Variants in ST7 observed in about 807,000 individuals in gnomAD.
The protein encoded by ST7 is suppressor of tumorigenicity 7 protein.
Under a neutral mutation model 78.7 loss-of-function variants are expected in ST7, and 28 were observed. That is an observed-to-expected ratio of 0.36 (90% CI 0.26 to 0.49). ST7 has a LOEUF of 0.49. Among genes scored for constraint, ST7 ranks in the 20% least tolerant of loss-of-function variants. The pLI, the probability that ST7 is intolerant of heterozygous loss-of-function variation, is 0.99. For synonymous variants in ST7, 247 were observed against 249.6 expected, an observed-to-expected ratio of 0.99 and a Z score of 0.10; for missense variants, 418 against 696.0, an observed-to-expected ratio of 0.60 and a Z score of 4.49.
chr7:117,043,102 T>C (rs1025010906), intron 1 of ST7, among the ~76,000 whole-genome samples: 1 of 152,238 alleles, frequency 6.6e-6, no homozygotes, highest in Non-Finnish European at 1.5e-5. Context: ...AAGGATTAAA[T>C]AGACATGTAA....
chr7:117,074,044 T>C (rs934251911), intron 1 of ST7: 2 of 152,204 alleles, frequency 1.3e-5, no homozygotes, highest in African/African-American at 4.8e-5. Context: ...TTGTTCTATA[T>C]GTTTGTGCTC....
intron 2 of ST7, among the ~76,000 whole-genome samples, chr7:117,108,889 G>A: frequency 6.6e-6 from 1 of 151,954 alleles, no homozygotes; most frequent in East Asian, 1.9e-4. Flanking sequence ...TTCTTCATTT[G>A]CTTCTCAGCT....
intron 1 of ST7, among the ~76,000 whole-genome samples, chr7:117,091,624 G>A (rs767880198): frequency 3.3e-5 from 5 of 152,242 alleles, no homozygotes; most frequent in Admixed American, 6.5e-5. Flanking sequence ...GTGTATCTTA[G>A]CACCCTTTCT....
chr7:117,133,214 C>G (rs1804507850), intron 6 of ST7, among the ~76,000 whole-genome samples: 1 of 151,878 alleles, frequency 6.6e-6, no homozygotes, highest in African/African-American at 2.4e-5. Context: ...CCTTCTTCCC[C>G]TTTTTGAAAA....
chr7:116,955,268 C>G (rs1336816934), intron 1 of ST7: 1 of 358,182 alleles, frequency 2.8e-6, no homozygotes, highest in Non-Finnish European at 5.5e-6. Flanking sequence ...CTGTTTTGTG[C>G]TGCTGTAACA....
At chr7:117,094,230 C>T (rs548828207) in intron 1 of ST7, among the ~76,000 whole-genome samples, 13 of 152,308 alleles carry the variant, frequency 8.5e-5, no homozygotes, top group Non-Finnish European at 1.6e-4. Context: ...GCCTTAACTG[C>T]GCTTCACTTT....
intron 1 of ST7, chr7:116,956,986 G>T: frequency 5.2e-6 from 1 of 193,752 alleles, no homozygotes; most frequent in Non-Finnish European, 1.1e-5. Flanking sequence ...AGTTGTGAAA[G>T]TGCAGGTCAG....
intron 1 of ST7, among the ~76,000 whole-genome samples, chr7:117,015,270 C>T (rs979748725): frequency 6.6e-5 from 10 of 152,106 alleles, no homozygotes; most frequent in African/African-American, 2.2e-4. Context: ...GACTTAAACT[C>T]CAACCCATAG....
At position 117,219,124 on chromosome 7, in the gene ST7, A is replaced by G. The variant is rs776751342; in HGVS notation, c.1446A>G (p.Leu482=). 1.2e-6 allele frequency: 2 copies of G among 1,613,646 alleles called. No individual in the cohort carries two copies. The highest frequency in any genetic ancestry group is 1.1e-5 in the South Asian group (1 of 90,980). ...CTTATCCCTTGGAAAAGGGGCACCTATTTTATCCTTACCCAATCTGTACAG... is the reference window on the plus strand; with the variant it reads ...CTTATCCCTTGGAAAAGGGGCACCTGTTTTATCCTTACCCAATCTGTACAG... ...MIPYPLEKGH[L]FYPYPICTET... is the part of the protein sequence containing the mutation. Residue 482 remains leucine, a synonymous_variant, in exon 14 of 16, where the codon CTA becomes CTG. Transcript: ENST00000323984. This position sits in a 1 kb window ranked among gnomAD's most constrained non-coding sequence, Gnocchi z 5.1.
At chr7:117,108,456 G>A (rs1802156931) in intron 2 of ST7, among the ~76,000 whole-genome samples, 1 of 152,146 alleles carries the variant, frequency 6.6e-6, no homozygotes, top group South Asian at 2.1e-4. Context: ...CTATATGCCT[G>A]TTTTTATACT....
chr7:116,989,901 G>A (rs1361916415), intron 1 of ST7, among the ~76,000 whole-genome samples: 1 of 151,956 alleles, frequency 6.6e-6, no homozygotes, highest in Non-Finnish European at 1.5e-5. Context: ...CCATATGTAT[G>A]TGTGTGTGTT....
intron 15 of ST7, among the ~76,000 whole-genome samples, chr7:117,224,730 A>G (rs1283438026): frequency 2.0e-5 from 3 of 152,182 alleles, no homozygotes; most frequent in African/African-American, 7.2e-5. Context: ...GAGTATTAGC[A>G]GGAGGTATCT....
intron 5 of ST7, among the ~76,000 whole-genome samples, chr7:117,131,526 A>T (rs1171403826): frequency 6.6e-6 from 1 of 151,896 alleles, no homozygotes; most frequent in Admixed American, 6.6e-5. Context: ...ATTATGTTGT[A>T]TCTAAGTGAA....
In ST7 at chr7:117,166,001, C is replaced by T. The variant is rs537742458; in HGVS notation, c.964-4861C>T. Among the ~76,000 whole-genome samples the T allele has an allele frequency of 3.9e-5, 6 of 152,238 alleles. No individual in the cohort carries two copies. The East Asian group carries it at 5.8e-4, about 15-fold the overall frequency. On this transcript the variant is annotated intron_variant, in intron 9 of 15. Coordinates refer to ENST00000323984, the MANE Select transcript of ST7 (RefSeq NM_001369598.1). ...CATGCTAAGCATTTTAGATTATATC[C>T]TGAATTCAGTGAGAAGCCAGTATTC...
intron 1 of ST7, among the ~76,000 whole-genome samples, chr7:117,038,407 A>C (rs1797007806): frequency 6.6e-6 from 1 of 152,152 alleles, no homozygotes; most frequent in Non-Finnish European, 1.5e-5. Context: ...GTCAGAGTTC[A>C]TTTTCATTGT....
chr7:117,000,152 G>A (rs1794856820), intron 1 of ST7, among the ~76,000 whole-genome samples: 1 of 152,182 alleles, frequency 6.6e-6, no homozygotes, highest in South Asian at 2.1e-4. Context: ...AGTGTTTGGA[G>A]ATGAACCGTG....
At chr7:117,125,901 T>C (rs1377639891) in intron 3 of ST7, among the ~76,000 whole-genome samples, 3 of 152,070 alleles carry the variant, frequency 2.0e-5, no homozygotes, top group African/African-American at 4.8e-5. Context: ...TTGCATGTAA[T>C]GGATAAGAGT....
chr7:117,000,695 T>G (rs1376177656), intron 1 of ST7, among the ~76,000 whole-genome samples: 1 of 152,204 alleles, frequency 6.6e-6, no homozygotes, highest in East Asian at 1.9e-4. Flanking sequence ...CATATGAAGG[T>G]TGCGTGGCAG....
chr7:117,160,243 A>AAAAAG (rs1563131029), intron 9 of ST7, among the ~76,000 whole-genome samples: 1 of 150,500 alleles, frequency 6.6e-6, no homozygotes, highest in African/African-American at 2.5e-5. Context: ...AAAAAAAAAA[A>AAAAAG]AAAGAAAGAA....
Sources: allele counts gnomAD v4.1 joint callset (sites outside exome capture counted in the v4.1 genomes callset), GRCh38; gene constraint gnomAD v4.1.1; non-coding constraint Gnocchi (gnomAD v3.1); transcripts MANE v1.5; gene names NCBI Gene and HGNC (gene_info 2026-07-23, HGNC 2026-07-21).